The following PRDM16 variants were observed in gnomAD, a reference collection of about 807,000 sequenced individuals.
PRDM16 encodes the protein histone-lysine N-methyltransferase PRDM16.
PRDM16 carries 23 observed loss-of-function variants against 110.6 expected under a neutral mutation model. That is an observed-to-expected ratio of 0.21 (90% CI 0.15 to 0.29). The LOEUF (loss-of-function observed/expected upper bound fraction) is 0.29, where lower values mean the gene tolerates loss of function less well. Ranked by LOEUF, PRDM16 falls within the 10% of genes least tolerant of loss-of-function variation. PRDM16 has a pLI of 1.00. For missense variants in PRDM16, 1,615 were observed against 1,794.3 expected (o/e 0.90, Z 1.81); for synonymous variants, 799 against 781.8 (o/e 1.02, Z -0.37).
intron 3 of PRDM16, among the ~76,000 whole-genome samples, chr1:3,362,599 C>T (rs1339028488): frequency 3.9e-5 from 6 of 152,076 alleles, no homozygotes; most frequent in Admixed American, 2.6e-4. Flanking sequence ...CTGGGACTGC[C>T]GAGGGCCTTC....
At position 3,412,548 on chromosome 1, in the gene PRDM16, C is replaced by G. The variant is rs1460565334; in HGVS notation, c.2351C>G (p.Pro784Arg). 1 of 1,612,080 alleles carries G rather than the reference C, an allele frequency of 6.2e-7. No homozygotes were observed. The highest frequency in any genetic ancestry group is 1.1e-5 in the South Asian group (1 of 91,088). Residue 784 changes from proline to arginine, a missense_variant, in exon 9 of 17, where the codon CCC becomes CGC. Coordinates refer to ENST00000270722, the MANE Select transcript of PRDM16 (RefSeq NM_022114.4). ...DLTTKPKDVK[P>R]ILPMPKGPSA... ...ACCACCAAGCCCAAAGACGTGAAGCCCATCCTGCCCATGCCCAAGGGCCCC... is the reference window on the plus strand; with the variant it reads ...ACCACCAAGCCCAAAGACGTGAAGCGCATCCTGCCCATGCCCAAGGGCCCC...
chr1:3,233,780 C>T (rs1316837815), intron 2 of PRDM16, among the ~76,000 whole-genome samples: 2 of 149,856 alleles, frequency 1.3e-5, no homozygotes, highest in Admixed American at 6.6e-5. Flanking sequence ...TGGATCGTGG[C>T]GATGGTTTCT....
intron 3 of PRDM16, among the ~76,000 whole-genome samples, chr1:3,313,066 C>T (rs971550713): frequency 1.6e-4 from 24 of 152,194 alleles, no homozygotes; most frequent in African/African-American, 5.3e-4. Context: ...GCACAGGCAC[C>T]GTGTCCCAAG....
At chr1:3,414,670 G>A (rs1243061142) in intron 10 of PRDM16, 23 bp downstream of exon 10, 1 of 1,596,000 alleles carries the variant, frequency 6.3e-7, no homozygotes, top group Non-Finnish European at 8.6e-7. Context: ...TGCAGGTCAG[G>A]GCGCCCTGTA....
intron 3 of PRDM16, among the ~76,000 whole-genome samples, chr1:3,348,455 A>G (rs916027274): frequency 1.3e-5 from 2 of 152,206 alleles, no homozygotes; most frequent in African/African-American, 4.8e-5. Flanking sequence ...TCCGCGGGCC[A>G]AGGACATTTG....
In PRDM16 at chr1:3,333,122, C is replaced by A. The variant is rs899963606; in HGVS notation, c.439-52030C>A. Among the ~76,000 whole-genome samples, 2 of 152,184 alleles carry A rather than the reference C, an allele frequency of 1.3e-5. 1 individual carries two copies. The highest frequency in any genetic ancestry group is 1.3e-4 in the Admixed American group (2 of 15,286). On this transcript the variant is annotated intron_variant, in intron 3 of 16. Transcript: ENST00000270722. Reference sequence around the variant, plus strand: ...TCTAGGCGTGGGATTGCAGGTCACACGGCCTTACTCCTCAGCTTACAGTGG... The same window carrying A: ...TCTAGGCGTGGGATTGCAGGTCACAAGGCCTTACTCCTCAGCTTACAGTGG...
intron 1 of PRDM16, among the ~76,000 whole-genome samples, chr1:3,116,148 C>G (rs1021542895): frequency 2.0e-5 from 3 of 152,160 alleles, no homozygotes; most frequent in African/African-American, 7.2e-5. Flanking sequence ...GGGTGGTCAT[C>G]TCAGGGGCAG....
chr1:3,250,453 C>T (rs1483213245), intron 3 of PRDM16, among the ~76,000 whole-genome samples: 1 of 152,058 alleles, frequency 6.6e-6, no homozygotes, highest in Non-Finnish European at 1.5e-5. Flanking sequence ...ATCAATGTAA[C>T]CCTTTTGCCG....
At chr1:3,314,071 C>CGGGGGGAGGGG (rs1553161915) in intron 3 of PRDM16, among the ~76,000 whole-genome samples, 2 of 100,656 alleles carry the variant, frequency 2.0e-5, no homozygotes, top group African/African-American at 1.2e-4. Flanking sequence ...CCTTCCCCAC[C>CGGGGGGAGGGG]GGGGGGGGGG....
chr1:3,140,892 G>A (rs778307856), intron 1 of PRDM16, among the ~76,000 whole-genome samples: 9 of 152,240 alleles, frequency 5.9e-5, no homozygotes, highest in Admixed American at 3.3e-4. Flanking sequence ...CGGAGCTGGC[G>A]TGGGTGCCCC....
chr1:3,203,345 G>A (rs1638676475), intron 2 of PRDM16, among the ~76,000 whole-genome samples: 1 of 152,240 alleles, frequency 6.6e-6, no homozygotes, highest in Admixed American at 6.5e-5. Flanking sequence ...TTCTATGTTT[G>A]TGTTCTAATA....
chr1:3,163,864 C>T (rs938495074), intron 1 of PRDM16, among the ~76,000 whole-genome samples: 4 of 152,222 alleles, frequency 2.6e-5, no homozygotes, highest in South Asian at 2.1e-4. Context: ...CTTAACCCAT[C>T]GCATCCGTGA....
At chr1:3,274,927 C>T (rs1287972237) in intron 3 of PRDM16, among the ~76,000 whole-genome samples, 1 of 152,218 alleles carries the variant, frequency 6.6e-6, no homozygotes, top group East Asian at 1.9e-4. Context: ...CGTTCTTGCT[C>T]TGGGGATGCA....
intron 12 of PRDM16, among the ~76,000 whole-genome samples, chr1:3,419,895 C>T (rs184878419): frequency 3.7e-4 from 56 of 151,914 alleles, no homozygotes; most frequent in African/African-American, 1.1e-3. Flanking sequence ...ATCTGTTCAG[C>T]GCTCACAGCC....
chr1:3,428,216 C>T (rs1254480492), intron 14 of PRDM16, among the ~76,000 whole-genome samples: 1 of 147,574 alleles, frequency 6.8e-6, no homozygotes, highest in Non-Finnish European at 1.5e-5. Context: ...GGGTGCAGCC[C>T]GGCCGCACTG....
chr1:3,276,289 A>C (rs1401096926), intron 3 of PRDM16, among the ~76,000 whole-genome samples: 1 of 152,148 alleles, frequency 6.6e-6, no homozygotes, highest in East Asian at 1.9e-4. Flanking sequence ...CAGGCCTGCC[A>C]TTGGGCCCGC....
intron 2 of PRDM16, among the ~76,000 whole-genome samples, chr1:3,231,990 C>T (rs77301359): frequency 0.028 from 4,303 of 152,320 alleles, 149 homozygotes; most frequent in African/African-American, 0.074. Flanking sequence ...GTTCCTGTCA[C>T]TGGGTCCCAT....
rs532304746 is a variant in PRDM16 at position 3,428,934 on chromosome 1, C to G, written c.3285-1938C>G. ...GAGAAAATCACGCAGGGGAGAAGGC[C>G]AAGGGAAAATGGAGACAGAGGTCAG... On this transcript the variant is annotated intron_variant, in intron 14 of 16. Transcript: ENST00000270722. Among the ~76,000 whole-genome samples, 14 of 152,302 alleles carry G rather than the reference C, an allele frequency of 9.2e-5. No individual in the cohort carries two copies. The East Asian group carries it at 2.7e-3, about 29-fold the overall frequency.
At chr1:3,070,451 C>T (rs1641722581) in intron 1 of PRDM16, among the ~76,000 whole-genome samples, 1 of 148,734 alleles carries the variant, frequency 6.7e-6, no homozygotes, top group Non-Finnish European at 1.5e-5. Context: ...GCAGCCCCGC[C>T]GAAGCCCCGG....
Sources: gnomAD v4.1 joint callset for allele counts (sites outside exome capture counted in the v4.1 genomes callset) on GRCh38, gnomAD v4.1.1 for gene constraint, MANE v1.5 for transcripts, NCBI Gene and HGNC (gene_info 2026-07-23, HGNC 2026-07-21) for gene names.